The following HVCN1 variants were observed in gnomAD, a reference collection of about 807,000 sequenced individuals.
HVCN1 encodes the protein voltage-gated hydrogen channel 1.
A neutral mutation model predicts 29.2 loss-of-function variants in HVCN1; 14 were observed. The ratio of observed to expected loss-of-function variants is 0.48; its 90% CI spans 0.32 to 0.75. The LOEUF (loss-of-function observed/expected upper bound fraction) is 0.75. Among genes scored for constraint, HVCN1 ranks in the 30% least tolerant of loss-of-function variants. The pLI, the probability that HVCN1 is intolerant of heterozygous loss-of-function variation, is 0.04. For missense variants in HVCN1, 263 were observed against 341.8 expected (o/e 0.77, Z 1.82); for synonymous variants, 131 against 133.2 (o/e 0.98, Z 0.11).
At chr12:110,667,684 G>A (rs1004541052) in intron 3 of HVCN1, among the ~76,000 whole-genome samples, 12 of 151,706 alleles carry the variant, frequency 7.9e-5, no homozygotes, top group African/African-American at 2.9e-4. Flanking sequence ...CACCCGCCTC[G>A]GCCTCCCAAA....
chr12:110,657,135 A>C (rs986458782), intron 4 of HVCN1, among the ~76,000 whole-genome samples: 1 of 152,232 alleles, frequency 6.6e-6, no homozygotes, highest in African/African-American at 2.4e-5. Flanking sequence ...GCAGGTTCAC[A>C]GTTGCCCAGG....
rs955960675 is a variant in HVCN1, at chr12:110,676,439, T to G, written c.21+6786A>C. On this transcript the variant is annotated intron_variant, in intron 3 of 7. Transcript: ENST00000242607. This position sits in a 1 kb window ranked among gnomAD's most constrained non-coding sequence, Gnocchi z 4.1. ...TCCACTGGCATCTGGGAATTTGGAC[T>G]TCTGGAAAATTCCCGCCATTCCCTG... Among the ~76,000 whole-genome samples the G allele has an allele frequency of 2.0e-5, 3 of 152,222 alleles. No individual in the cohort carries two copies. Among genetic ancestry groups the G allele is most frequent in the Non-Finnish European group, 4.4e-5 (3 of 68,036 alleles).
intron 2 of HVCN1, among the ~76,000 whole-genome samples, chr12:110,698,770 G>A (rs113300915): frequency 1.3e-5 from 2 of 152,292 alleles, no homozygotes; most frequent in African/African-American, 2.4e-5. Context: ...CCCTCCTTCC[G>A]TTTTTGAGAG....
intron 2 of HVCN1, among the ~76,000 whole-genome samples, chr12:110,696,452 C>A (rs1341241225): frequency 6.6e-6 from 1 of 151,948 alleles, no homozygotes; most frequent in Non-Finnish European, 1.5e-5. Flanking sequence ...TAGTGGCATG[C>A]ACCTGGAATC....
At chr12:110,671,882 G>T (rs1052663607) in intron 3 of HVCN1, among the ~76,000 whole-genome samples, 3 of 152,160 alleles carry the variant, frequency 2.0e-5, no homozygotes, top group African/African-American at 7.2e-5. Flanking sequence ...TTGCACAAGG[G>T]CAAACTGAGG....
rs956448094 is a variant in HVCN1 at position 110,648,828 on chromosome 12, A to G, written c.*582T>C. ...TTATACAGTAGTTGTTTTATTTTATACAGTAGTTGTACAGTAATTGAGGAA... is the reference window on the plus strand; with the variant it reads ...TTATACAGTAGTTGTTTTATTTTATGCAGTAGTTGTACAGTAATTGAGGAA... On this transcript the variant is annotated 3_prime_UTR_variant, in exon 8 of 8. Transcript: ENST00000242607. 5 of 344,890 alleles carry G rather than the reference A, an allele frequency of 1.4e-5. No homozygotes were observed. Among genetic ancestry groups the G allele is most frequent in the African/African-American group, 1.1e-4 (5 of 45,500 alleles). The allele number at this position is 344,890 out of a possible 1,614,324, so 21.4% of individuals were successfully genotyped here. A position where few individuals can be genotyped will look rare whatever the true frequency, so the allele number is the denominator to read the frequency against.
chr12:110,693,022 T>C (rs2069436073), upstream of HVCN1, among the ~76,000 whole-genome samples: 1 of 152,012 alleles, frequency 6.6e-6, no homozygotes, highest in African/African-American at 2.4e-5. Context: ...CATGCTACTG[T>C]ACCCAGCTAA....
chr12:110,699,102 T>G (rs1206619334), intron 2 of HVCN1, among the ~76,000 whole-genome samples: 1 of 152,240 alleles, frequency 6.6e-6, no homozygotes, highest in African/African-American at 2.4e-5. Context: ...CACTCCAGCC[T>G]GAGCAACAGA....
intron 2 of HVCN1, chr12:110,688,308 A>T (rs1041319195): frequency 1.3e-5 from 2 of 152,234 alleles, no homozygotes; most frequent in African/African-American, 4.8e-5. Flanking sequence ...CACACCCAGC[A>T]CTGGTAAAAG....
chr12:110,657,967 C>T (rs754108942), intron 4 of HVCN1, among the ~76,000 whole-genome samples: 9 of 152,186 alleles, frequency 5.9e-5, no homozygotes, highest in African/African-American at 1.2e-4. Context: ...AGCGTCCTCT[C>T]GGGGAAAGTG....
intron 4 of HVCN1, among the ~76,000 whole-genome samples, chr12:110,660,098 C>G (rs1002753196): frequency 6.6e-6 from 1 of 151,462 alleles, no homozygotes; most frequent in Admixed American, 6.6e-5. Flanking sequence ...GACAGTTGGC[C>G]GGGCACGGTG....
intron 3 of HVCN1, chr12:110,682,994 T>A: frequency 4.2e-6 from 2 of 470,764 alleles, no homozygotes; most frequent in Non-Finnish European, 3.8e-6. Context: ...AAACCGCACA[T>A]AGTTATTAAC....
At position 110,651,206 on chromosome 12, in the gene HVCN1, A is replaced by C; in HGVS notation, c.643+11T>G. 1 of 1,596,128 alleles carries C rather than the reference A, an allele frequency of 6.3e-7. No individual in the cohort carries two copies. Among genetic ancestry groups the C allele is most frequent in the Non-Finnish European group, 8.6e-7 (1 of 1,163,772 alleles). On this transcript the variant is annotated intron_variant, in intron 6 of 7. Transcript: ENST00000242607. Reference sequence around the variant, plus strand: ...CTCTCCATCCACAGCCTGGGAGTGCAGGAGACGTACCATTGATGATCCGGG... The same window carrying C: ...CTCTCCATCCACAGCCTGGGAGTGCCGGAGACGTACCATTGATGATCCGGG...
chr12:110,667,605 A>AT (rs376486128), intron 3 of HVCN1, among the ~76,000 whole-genome samples: 93 of 149,996 alleles, frequency 6.2e-4, no homozygotes, highest in Non-Finnish European at 1.2e-3. Flanking sequence ...AATTTTTTGT[A>AT]TTTTTTTGTA....
rs1227253224 is a variant in HVCN1, at chr12:110,658,111, T to C, written c.307-2773A>G. Among the ~76,000 whole-genome samples the C allele has an allele frequency of 1.3e-5, 2 of 152,086 alleles. No individual in the cohort carries two copies. Among genetic ancestry groups the C allele is most frequent in the African/African-American group, 4.8e-5 (2 of 41,400 alleles). On this transcript the variant is annotated intron_variant, in intron 4 of 7. Transcript: ENST00000242607. This position sits in a 1 kb window ranked among gnomAD's most constrained non-coding sequence, Gnocchi z 5.0. ...AGCTCCCTGACTCCTGGGACCACTTTCCCTTGGCTCCACTCTGTCCTGTCA... is the reference window on the plus strand; with the variant it reads ...AGCTCCCTGACTCCTGGGACCACTTCCCCTTGGCTCCACTCTGTCCTGTCA...
intron 2 of HVCN1, among the ~76,000 whole-genome samples, chr12:110,700,560 G>A (rs925385929): frequency 6.6e-6 from 1 of 152,182 alleles, no homozygotes; most frequent in Non-Finnish European, 1.5e-5. Flanking sequence ...CTTTCTGTGA[G>A]GCAACTCATT....
chr12:110,657,230 A>G (rs189305355), intron 4 of HVCN1, among the ~76,000 whole-genome samples: 19 of 152,316 alleles, frequency 1.2e-4, no homozygotes, highest in African/African-American at 4.1e-4. Flanking sequence ...ACGGTGGCTC[A>G]TGCCTGTAAT....
Position 110,651,216 on chromosome 12 carries a change from C to G in HVCN1, c.643+1G>C. 3 of 1,608,122 alleles carry G rather than the reference C, an allele frequency of 1.9e-6. No individual in the cohort carries two copies. The highest frequency in any genetic ancestry group is 2.6e-6 in the Non-Finnish European group (3 of 1,174,664). ...ACAGCCTGGGAGTGCAGGAGACGTA[C>G]CATTGATGATCCGGGCCACCCGCCA... On this transcript the variant is annotated splice_donor_variant, in intron 6 of 7. Transcript: ENST00000242607. LOFTEE classifies it high-confidence loss of function.
At chr12:110,679,671 G>A (rs1465288806) in intron 3 of HVCN1, among the ~76,000 whole-genome samples, 1 of 152,058 alleles carries the variant, frequency 6.6e-6, no homozygotes. Flanking sequence ...GGCTAACAAG[G>A]TGAAACCCCA....
Sources: allele counts gnomAD v4.1 joint callset (sites outside exome capture counted in the v4.1 genomes callset), GRCh38; gene constraint gnomAD v4.1.1; non-coding constraint Gnocchi (gnomAD v3.1); transcripts MANE v1.5; gene names NCBI Gene and HGNC (gene_info 2026-07-23, HGNC 2026-07-21).